CMTM1: variants seen among roughly 807,000 people sequenced by gnomAD.
The protein encoded by CMTM1 is CKLF like MARVEL transmembrane domain containing 1.
A neutral mutation model predicts 17.8 loss-of-function variants in CMTM1; 16 were observed. The ratio of observed to expected loss-of-function variants is 0.90; its 90% CI spans 0.61 to 1.37. CMTM1 has a LOEUF of 1.37. Among genes scored for constraint, CMTM1 ranks in the 40% most tolerant of loss-of-function variants. The probability of loss-of-function intolerance (pLI) is 0.00; values close to 1 mark genes in which losing one functional copy is unlikely to be tolerated. For missense variants in CMTM1, 354 were observed against 375.6 expected, an observed-to-expected ratio of 0.94 and a Z score of 0.47; for synonymous variants, 169 against 154.6, an observed-to-expected ratio of 1.09 and a Z score of -0.69.
chr16:66,574,810 TATAG>T (rs1939458606), intron 2 of CMTM1: 1 of 233,854 alleles, frequency 4.3e-6, no homozygotes, highest in Non-Finnish European at 7.0e-6. Flanking sequence ...GCTCCGGTTA[TATAG>T]ATATTTTGGC....
At position 66,566,843 on chromosome 16, in the gene CMTM1, C is replaced by A; in HGVS notation, c.330C>A (p.Ile110=). 1 of 1,614,066 alleles carries A rather than the reference C, an allele frequency of 6.2e-7. No individual in the cohort carries two copies. The change falls in exon 1 of 4, where the codon ATC becomes ATA. Residue 110 remains isoleucine, a synonymous_variant. Transcript: ENST00000379500. The surrounding 1 kb of genome is among the most constrained non-coding windows in gnomAD (Gnocchi z 4.9). ...CCAAACTCTTAAATGAGATGGCGAT[C>A]AAAGAGCGCGTGGAGGGCCGAGCCA... ...TESKLLNEMA[I]KERVEGRAKV...
chr16:66,567,154 CTT>C (rs58132277), intron 1 of CMTM1: 8,698 of 544,136 alleles, frequency 0.016, no homozygotes, highest in East Asian at 0.031. Flanking sequence ...CCTATTTTTT[CTT>C]TTTTTTTTTT....
At chr16:66,573,001 T>G (rs1226192846) in intron 2 of CMTM1, among the ~76,000 whole-genome samples, 2 of 152,078 alleles carry the variant, frequency 1.3e-5, no homozygotes, top group Non-Finnish European at 2.9e-5. Flanking sequence ...CAAGGCCGCC[T>G]CCTCTGGACA....
intron 2 of CMTM1, among the ~76,000 whole-genome samples, chr16:66,576,456 A>G (rs1434071290): frequency 1.3e-5 from 2 of 152,156 alleles, no homozygotes; most frequent in African/African-American, 4.8e-5. Flanking sequence ...AAGGAGCACA[A>G]TGAGCCTGCA....
At chr16:66,568,833 C>T (rs1197556280) in intron 1 of CMTM1, among the ~76,000 whole-genome samples, 1 of 150,866 alleles carries the variant, frequency 6.6e-6, no homozygotes, top group African/African-American at 2.4e-5. Flanking sequence ...TTGCAGTGAG[C>T]TGAGATCACA....
chr16:66,578,021 G>A (rs2014462916), intron 3 of CMTM1, among the ~76,000 whole-genome samples: 1 of 152,178 alleles, frequency 6.6e-6, no homozygotes, highest in African/African-American at 2.4e-5. Flanking sequence ...GATTCACTGG[G>A]GCAAGACATA....
intron 2 of CMTM1, among the ~76,000 whole-genome samples, chr16:66,573,339 C>T (rs7187687): frequency 6.6e-6 from 1 of 152,220 alleles, no homozygotes; most frequent in Admixed American, 6.5e-5. Flanking sequence ...CACACATGCT[C>T]TTCATTTTTA....
At chr16:66,574,819 T>G (rs940481810) in intron 2 of CMTM1, 2 of 290,080 alleles carry the variant, frequency 6.9e-6, no homozygotes, top group Non-Finnish European at 1.0e-5. Flanking sequence ...ATATAGATAT[T>G]TTGGCCAACA....
intron 2 of CMTM1, among the ~76,000 whole-genome samples, chr16:66,572,248 A>C (rs971298399): frequency 8.5e-5 from 13 of 152,200 alleles, no homozygotes; most frequent in African/African-American, 3.1e-4. Context: ...CAGGACACAT[A>C]CTGAGCAACC....
intron 2 of CMTM1, among the ~76,000 whole-genome samples, chr16:66,576,445 G>T (rs1235839099): frequency 6.6e-6 from 1 of 151,644 alleles, no homozygotes; most frequent in South Asian, 2.1e-4. Context: ...AAACCCAGAA[G>T]AAGGAGCACA....
chr16:66,567,019 G>A (rs1387154843), intron 1 of CMTM1, 74 bp downstream of exon 1: 1 of 1,491,350 alleles, frequency 6.7e-7, no homozygotes, highest in Non-Finnish European at 9.3e-7. Context: ...CCCACGGGGT[G>A]CCAGCTCCAG....
At chr16:66,567,314 C>A (rs747552011) in intron 1 of CMTM1, 9 of 347,144 alleles carry the variant, frequency 2.6e-5, no homozygotes, top group Non-Finnish European at 4.9e-5. Flanking sequence ...CCTAGTCCCC[C>A]ACTCCCTACA....
At position 66,566,789 on chromosome 16, in the gene CMTM1, A is replaced by AC. The variant is rs1239277686; in HGVS notation, c.282dup (p.Thr95HisfsTer7). ...GCCCACCCCCAAAGCCCACACTCCC[A>AC]CCCCCCACGCCCTCTGCACACACTG... On this transcript the variant is annotated frameshift_variant, in exon 1 of 4. Coordinates refer to ENST00000379500, the MANE Select transcript of CMTM1 (RefSeq NM_052999.4). LOFTEE classifies it high-confidence loss of function. The surrounding 1 kb of genome is among the most constrained non-coding windows in gnomAD (Gnocchi z 4.9). 13 of 1,611,528 alleles carry AC rather than the reference A, an allele frequency of 8.1e-6. No individual in the cohort carries two copies. The highest frequency in any genetic ancestry group is 1.1e-5 in the Non-Finnish European group (13 of 1,179,072).
intron 3 of CMTM1, among the ~76,000 whole-genome samples, chr16:66,578,258 C>T (rs1430979033): frequency 1.3e-5 from 2 of 152,182 alleles, no homozygotes; most frequent in Non-Finnish European, 2.9e-5. Flanking sequence ...GGTCTTCCTG[C>T]CTCCAGCCTG....
rs16956746 is a variant in CMTM1 at position 66,566,541 on chromosome 16, T to G, written c.28T>G (p.Ser10Ala). MDPEHAKPE[S>A]SEAPSGNLKQ... is the part of the protein sequence containing the mutation. ...GGATCCTGAACACGCCAAACCTGAGTCATCCGAGGCACCTTCAGGGAACTT... is the reference window on the plus strand; with the variant it reads ...GGATCCTGAACACGCCAAACCTGAGGCATCCGAGGCACCTTCAGGGAACTT... Residue 10 changes from serine (S) to alanine (A), a missense_variant, in exon 1 of 4, where the codon TCA becomes GCA. By Grantham distance (99) the Ser-to-Ala change is moderately conservative. Transcript: ENST00000379500. This position sits in a 1 kb window ranked among gnomAD's most constrained non-coding sequence, Gnocchi z 4.9. 3.8e-5 allele frequency: 62 copies of G among 1,612,362 alleles called. No individual in the cohort carries two copies. Among genetic ancestry groups the G allele is most frequent in the Non-Finnish European group, 5.2e-5 (61 of 1,179,380 alleles).
chr16:66,578,448 T>A (rs911241021), intron 3 of CMTM1, among the ~76,000 whole-genome samples: 1 of 152,130 alleles, frequency 6.6e-6, no homozygotes, highest in Non-Finnish European at 1.5e-5. Flanking sequence ...GCCTGGGTCC[T>A]CCTCCTCCCC....
chr16:66,574,685 G>A (rs1885316491), intron 2 of CMTM1, among the ~76,000 whole-genome samples: 1 of 152,200 alleles, frequency 6.6e-6, no homozygotes, highest in Non-Finnish European at 1.5e-5. Context: ...ATGACAGGAA[G>A]TCAAAGACTG....
At chr16:66,574,253 A>G (rs2013952278) in intron 2 of CMTM1, among the ~76,000 whole-genome samples, 1 of 152,198 alleles carries the variant, frequency 6.6e-6, no homozygotes, top group Non-Finnish European at 1.5e-5. Context: ...AAGTCCTCCC[A>G]CACATGGCCA....
rs1039048450 is a variant in CMTM1 at position 66,571,143 on chromosome 16, G to A, written c.591+1049G>A. The A allele has an allele frequency of 2.0e-5, 9 of 457,212 alleles. No homozygotes were observed. In the East Asian group the frequency reaches 2.8e-4, roughly 14 times the overall value. The allele number at this position is 457,212 out of a possible 1,614,324, so 28.3% of individuals were successfully genotyped here. ...AGCTCTCTCTGTCCCACAGAATGCC[G>A]AGTACAGGAAGCAGACAAAGCAAAT... On this transcript the variant is annotated intron_variant, in intron 2 of 3. Coordinates refer to ENST00000379500, the MANE Select transcript of CMTM1 (RefSeq NM_052999.4).
Sources: allele counts gnomAD v4.1 joint callset (sites outside exome capture counted in the v4.1 genomes callset), GRCh38; gene constraint gnomAD v4.1.1; non-coding constraint Gnocchi (gnomAD v3.1); transcripts MANE v1.5; gene names NCBI Gene and HGNC (gene_info 2026-07-23, HGNC 2026-07-21).